Variants in GRIK2 observed in about 807,000 individuals in gnomAD.
GRIK2 encodes glutamate receptor ionotropic, kainate 2.
In GRIK2, 32 loss-of-function variants were observed where a neutral mutation model predicts 100.3. That is an observed-to-expected ratio of 0.32 (90% CI 0.24 to 0.43). The LOEUF is 0.43. GRIK2 is among the 20% of genes least tolerant of loss of function. The pLI is 1.00. For missense variants in GRIK2, 843 were observed against 1,114.9 expected (o/e 0.76, Z 3.47); for synonymous variants, 417 against 389.4 (o/e 1.07, Z -0.83).
intron 7 of GRIK2, among the ~76,000 whole-genome samples, chr6:101,795,582 G>A (rs987139637): frequency 6.6e-6 from 1 of 152,202 alleles, no homozygotes; most frequent in Non-Finnish European, 1.5e-5. Context: ...GGGCCCCTAA[G>A]CAGTATGCAT....
chr6:101,735,289 A>T (rs995931073), intron 7 of GRIK2, among the ~76,000 whole-genome samples: 30 of 152,298 alleles, frequency 2.0e-4, no homozygotes, highest in African/African-American at 6.7e-4. Flanking sequence ...GAAGCCCTGG[A>T]GGTACCATCA....
At chr6:101,419,427 A>C (rs903464005) in intron 2 of GRIK2, among the ~76,000 whole-genome samples, 3 of 152,168 alleles carry the variant, frequency 2.0e-5, no homozygotes, top group Non-Finnish European at 4.4e-5. Context: ...TGAGGTCCTG[A>C]GAGAGAGATT....
At chr6:101,835,460 G>A (rs1351783859) in intron 10 of GRIK2, among the ~76,000 whole-genome samples, 1 of 128,424 alleles carries the variant, frequency 7.8e-6, no homozygotes, top group Admixed American at 8.2e-5. Context: ...TTACCTATGA[G>A]TTCCTTTTTT....
At chr6:101,438,790 G>A (rs1002546251) in intron 2 of GRIK2, among the ~76,000 whole-genome samples, 2 of 152,214 alleles carry the variant, frequency 1.3e-5, no homozygotes, top group South Asian at 2.1e-4. Context: ...CACAGACTGG[G>A]GGATTTAAGA....
intron 4 of GRIK2, among the ~76,000 whole-genome samples, chr6:101,627,850 G>T (rs1028948209): frequency 6.6e-6 from 1 of 151,968 alleles, no homozygotes; most frequent in Non-Finnish European, 1.5e-5. Context: ...GCATACAAAT[G>T]GTTATCTTGA....
At chr6:101,783,558 A>C (rs554204095) in intron 7 of GRIK2, among the ~76,000 whole-genome samples, 9 of 152,286 alleles carry the variant, frequency 5.9e-5, no homozygotes, top group Admixed American at 3.3e-4. Context: ...AAAATGTGAA[A>C]GTGACTTTGG....
intron 2 of GRIK2, among the ~76,000 whole-genome samples, chr6:101,583,724 A>G (rs1015358375): frequency 2.0e-5 from 3 of 152,106 alleles, no homozygotes; most frequent in Non-Finnish European, 4.4e-5. Context: ...GACAGAAAAA[A>G]ACTTGTTTAG....
chr6:101,480,693 T>A (rs567026533), intron 2 of GRIK2, among the ~76,000 whole-genome samples: 9 of 152,240 alleles, frequency 5.9e-5, no homozygotes, highest in African/African-American at 1.9e-4. Flanking sequence ...TCTTTGTAGA[T>A]TGCCAACTCA....
At chr6:101,443,815 A>G (rs929721240) in intron 2 of GRIK2, among the ~76,000 whole-genome samples, 2 of 151,754 alleles carry the variant, frequency 1.3e-5, no homozygotes, top group Non-Finnish European at 2.9e-5. Context: ...AATTTGCCAT[A>G]CCTCAATTTT....
chr6:101,557,219 A>C (rs1022459250), intron 2 of GRIK2, among the ~76,000 whole-genome samples: 5 of 152,162 alleles, frequency 3.3e-5, no homozygotes, highest in African/African-American at 1.2e-4. Flanking sequence ...ACTGACTTTA[A>C]ATTTTTTGGC....
chr6:101,529,271 C>T (rs1775303310), intron 2 of GRIK2, among the ~76,000 whole-genome samples: 1 of 152,050 alleles, frequency 6.6e-6, no homozygotes, highest in Non-Finnish European at 1.5e-5. Flanking sequence ...AGTGAATGAA[C>T]TTTGTAGAAT....
At chr6:101,791,040 G>C (rs1412261437) in intron 7 of GRIK2, among the ~76,000 whole-genome samples, 2 of 152,106 alleles carry the variant, frequency 1.3e-5, no homozygotes, top group African/African-American at 4.8e-5. Context: ...ATTTCTGTGG[G>C]ATCGGTGGTG....
intron 2 of GRIK2, among the ~76,000 whole-genome samples, 196 bp from the exon 3 acceptor site, chr6:101,621,753 A>G (rs370385969): frequency 1.3e-5 from 2 of 152,212 alleles, no homozygotes; most frequent in East Asian, 1.9e-4. Context: ...AGAATATCCC[A>G]AAGTTCATAA....
At chr6:101,744,539 T>TATATATATACAC (rs1554257089) in intron 7 of GRIK2, 4 of 123,070 alleles carry the variant, frequency 3.3e-5, no homozygotes, top group Middle Eastern at 3.8e-3. Flanking sequence ...TATATATATA[T>TATATATATACAC]ATATATATAT....
At chr6:102,000,608 G>A (rs1794887551) in intron 14 of GRIK2, among the ~76,000 whole-genome samples, 1 of 151,840 alleles carries the variant, frequency 6.6e-6, no homozygotes, top group Admixed American at 6.6e-5. Context: ...AGTGAGCTTT[G>A]GTAATTTGTG....
intron 2 of GRIK2, among the ~76,000 whole-genome samples, chr6:101,557,153 T>C (rs1381324078): frequency 6.6e-6 from 1 of 152,162 alleles, no homozygotes; most frequent in Non-Finnish European, 1.5e-5. Flanking sequence ...TAATAAAAAC[T>C]GATTATAATA....
intron 3 of GRIK2, among the ~76,000 whole-genome samples, chr6:101,624,301 A>T (rs978154529): frequency 6.6e-6 from 1 of 152,150 alleles, no homozygotes; most frequent in Non-Finnish European, 1.5e-5. Flanking sequence ...GTGAAGGAAG[A>T]TCATTTATCT....
chr6:101,503,218 T>C (rs1773855827), intron 2 of GRIK2, among the ~76,000 whole-genome samples: 1 of 152,140 alleles, frequency 6.6e-6, no homozygotes, highest in Non-Finnish European at 1.5e-5. Context: ...TTGTTTAGCA[T>C]AGAGATAAAT....
In GRIK2 at chr6:101,960,048, G is replaced by GTTTTTTTTTTTTTTTTTTTTTT. The variant is rs3029100; in HGVS notation, c.2085+31420_2085+31421insTTTTTTTTTTTTTTTTTTTTTT. 6.8e-5 allele frequency among the ~76,000 whole-genome samples: 8 copies of GTTTTTTTTTTTTTTTTTTTTTT among 118,266 alleles called. 1 individual carries two copies. The highest frequency in any genetic ancestry group is 2.5e-4 in the East Asian group (1 of 3,992). The allele number at this position is 118,266 out of a possible 152,430, so 77.6% of individuals were successfully genotyped here. On this transcript the variant is annotated intron_variant, in intron 14 of 16. Coordinates refer to ENST00000369134, the MANE Select transcript of GRIK2 (RefSeq NM_021956.5). The stretch of plus-strand genomic sequence containing the variant: ...TTATTTCTCAAAGCCTTTTTTTAGT[G>GTTTTTTTTTTTTTTTTTTTTTT]TTTTGTTTTTTTTTTTTTGTCTGAC...
Sources: allele counts gnomAD v4.1 joint callset (sites outside exome capture counted in the v4.1 genomes callset), GRCh38; gene constraint gnomAD v4.1.1; transcripts MANE v1.5; gene names NCBI Gene and HGNC (gene_info 2026-07-23, HGNC 2026-07-21).